Variants in ANKS1B observed in about 807,000 individuals in gnomAD.
ANKS1B encodes the protein ankyrin repeat and sterile alpha motif domain containing 1B, also known as ankyrin repeat and sterile alpha motif domain-containing protein 1B.
In ANKS1B, 36 loss-of-function variants were observed where a neutral mutation model predicts 148.3. That is an observed-to-expected ratio of 0.24 (90% CI 0.19 to 0.32). The LOEUF (loss-of-function observed/expected upper bound fraction) is 0.32, where lower values mean the gene tolerates loss of function less well. Among genes scored for constraint, ANKS1B ranks in the 10% least tolerant of loss-of-function variants. The probability of loss-of-function intolerance (pLI) is 1.00; values close to 1 mark genes in which losing one functional copy is unlikely to be tolerated. For synonymous variants in ANKS1B, 542 were observed against 560.8 expected (o/e 0.97, Z 0.47); for missense variants, 1,157 against 1,542.6 (o/e 0.75, Z 4.19).
intron 1 of ANKS1B, among the ~76,000 whole-genome samples, chr12:99,909,390 T>A (rs2093919242): frequency 6.6e-6 from 1 of 152,184 alleles, no homozygotes; most frequent in African/African-American, 2.4e-5. Context: ...GCTGACTTCA[T>A]TTCCGTTGGA....
chr12:99,085,203 T>C (rs1012812630), intron 15 of ANKS1B, among the ~76,000 whole-genome samples, 180 bp from the exon 16 acceptor site: 2 of 152,200 alleles, frequency 1.3e-5, no homozygotes, highest in African/African-American at 4.8e-5. Context: ...ATGTGAAGTC[T>C]AGGAGAAAGC....
intron 17 of ANKS1B, among the ~76,000 whole-genome samples, chr12:98,956,918 C>T (rs868204007): frequency 6.5e-4 from 99 of 152,280 alleles, no homozygotes; most frequent in African/African-American, 2.1e-3. Flanking sequence ...CTTCTCCTAC[C>T]AGCTACTTAA....
At chr12:99,149,889 AG>A (rs558308507) in intron 15 of ANKS1B, among the ~76,000 whole-genome samples, 2 of 152,132 alleles carry the variant, frequency 1.3e-5, no homozygotes, top group Non-Finnish European at 2.9e-5. Flanking sequence ...GTGAAGAATG[AG>A]GGGCAAGATC....
At chr12:99,485,023 A>C (rs1456054985) in intron 10 of ANKS1B, among the ~76,000 whole-genome samples, 2 of 151,508 alleles carry the variant, frequency 1.3e-5, no homozygotes, top group Non-Finnish European at 2.9e-5. Context: ...TTTACATTCA[A>C]CGTTAATATT....
At chr12:98,859,931 A>G (rs1007391125) in intron 17 of ANKS1B, among the ~76,000 whole-genome samples, 5 of 152,186 alleles carry the variant, frequency 3.3e-5, no homozygotes, top group African/African-American at 1.2e-4. Flanking sequence ...TCTTTATTAC[A>G]CAGGAAAAAA....
chr12:98,934,080 G>A (rs2099816274), intron 17 of ANKS1B, among the ~76,000 whole-genome samples: 1 of 152,064 alleles, frequency 6.6e-6, no homozygotes. Context: ...TCATGGCCAA[G>A]ACGACTGTCA....
intron 8 of ANKS1B, among the ~76,000 whole-genome samples, chr12:99,755,065 G>T (rs2061442586): frequency 1.7e-5 from 2 of 120,496 alleles, no homozygotes; most frequent in Admixed American, 8.9e-5. Flanking sequence ...TCCAGGAGCT[G>T]CTTTTTAAAA....
chr12:99,814,746 G>C (rs560202983), intron 2 of ANKS1B, among the ~76,000 whole-genome samples: 10 of 151,702 alleles, frequency 6.6e-5, no homozygotes, highest in Non-Finnish European at 1.5e-4. Context: ...ACATCTTGGT[G>C]CTAGTTTCAA....
intron 9 of ANKS1B, among the ~76,000 whole-genome samples, chr12:99,629,851 G>T (rs911572548): frequency 6.6e-6 from 1 of 152,084 alleles, no homozygotes; most frequent in Non-Finnish European, 1.5e-5. Flanking sequence ...ACCCTTCAAG[G>T]TAGGTATAAG....
At chr12:98,999,358 T>G (rs2099931574) in intron 17 of ANKS1B, among the ~76,000 whole-genome samples, 1 of 152,196 alleles carries the variant, frequency 6.6e-6, no homozygotes, top group Non-Finnish European at 1.5e-5. Flanking sequence ...ATCAATTTTG[T>G]TTTTGGAGCA....
intron 12 of ANKS1B, among the ~76,000 whole-genome samples, chr12:99,258,725 T>C (rs2075594250): frequency 6.6e-6 from 1 of 151,646 alleles, no homozygotes; most frequent in African/African-American, 2.4e-5. Context: ...CACCTTCACA[T>C]TGAGATAGAA....
intron 17 of ANKS1B, among the ~76,000 whole-genome samples, chr12:98,902,258 C>A (rs2099773156): frequency 6.6e-6 from 1 of 152,200 alleles, no homozygotes; most frequent in Non-Finnish European, 1.5e-5. Context: ...TTGCTTGCAG[C>A]CTTTGCTTAG....
At chr12:99,540,465 G>A (rs572399260) in intron 9 of ANKS1B, among the ~76,000 whole-genome samples, 2 of 152,064 alleles carry the variant, frequency 1.3e-5, no homozygotes, top group South Asian at 2.1e-4. Context: ...GTCATACAAG[G>A]TATGTTCTCT....
rs117597202 is a variant in ANKS1B at position 98,912,570 on chromosome 12, C to G, written c.2779-80434G>C. Among the ~76,000 whole-genome samples, 40 of 152,308 alleles carry G rather than the reference C, an allele frequency of 2.6e-4. 1 individual carries two copies. The East Asian group carries it at 6.6e-3, about 25-fold the overall frequency. On this transcript the variant is annotated intron_variant, in intron 17 of 26. Transcript: ENST00000683438. ...TTACCTGTCTGCCTCCCTCATTAAT[C>G]TGTGAACTCTGAAGTTTTGAAGGCA... is the stretch of plus-strand genomic sequence containing the variant.
chr12:99,355,311 A>G (rs1447686775), intron 12 of ANKS1B, among the ~76,000 whole-genome samples: 1 of 152,086 alleles, frequency 6.6e-6, no homozygotes. Flanking sequence ...CTTGGCTTTG[A>G]TGCTAATTTC....
In ANKS1B at chr12:98,735,282, A is replaced by C. The variant is rs113354620; in HGVS notation, c.*278T>G. 298 of 396,876 alleles carry C rather than the reference A, an allele frequency of 7.5e-4. 3 individuals carry two copies. The East Asian group carries it at 0.011, about 14-fold the overall frequency. 24.6% of individuals were successfully genotyped at this position (396,876 alleles called of 1,614,324 possible). A position where few individuals can be genotyped will look rare whatever the true frequency, so the allele number is the denominator to read the frequency against. ...AATTACATTGGACTTCATATATATA[A>C]TTTTTTTTTACATTATATGTCTCTT... On this transcript the variant is annotated 3_prime_UTR_variant, in exon 10 of 10. Coordinates refer to the ANKS1B transcript ENST00000341752.
intron 17 of ANKS1B, among the ~76,000 whole-genome samples, chr12:98,965,745 A>G (rs978714693): frequency 6.6e-6 from 1 of 152,210 alleles, no homozygotes; most frequent in African/African-American, 2.4e-5. Flanking sequence ...ATAATACCAC[A>G]TATCTACAAC....
At chr12:99,155,086 G>C in intron 14 of ANKS1B, 1 of 1,528,474 alleles carries the variant, frequency 6.5e-7, no homozygotes, top group Non-Finnish European at 8.7e-7. Context: ...CTGGTTATAC[G>C]TTACAGAGCT....
At chr12:99,899,355 T>A (rs2093502676) in intron 1 of ANKS1B, among the ~76,000 whole-genome samples, 1 of 152,160 alleles carries the variant, frequency 6.6e-6, no homozygotes, top group Admixed American at 6.5e-5. Context: ...CTGACTCTGA[T>A]CCTAGTTTAA....
Sources: allele counts gnomAD v4.1 joint callset (sites outside exome capture counted in the v4.1 genomes callset), GRCh38; gene constraint gnomAD v4.1.1; transcripts MANE v1.5; gene names NCBI Gene and HGNC (gene_info 2026-07-23, HGNC 2026-07-21).